CCL28: variants seen among roughly 807,000 people sequenced by gnomAD.
CCL28 encodes C-C motif chemokine ligand 28, also known as C-C motif chemokine 28.
Under a neutral mutation model 7.1 loss-of-function variants are expected in CCL28, and 4 were observed. That is an observed-to-expected ratio of 0.56 (90% CI 0.28 to 1.29). The LOEUF is 1.29. CCL28 is among the 50% of genes most tolerant of loss of function. The pLI is 0.11. For missense variants in CCL28, 151 were observed against 163.4 expected (o/e 0.92, Z 0.41); for synonymous variants, 55 against 57.8 (o/e 0.95, Z 0.22).
chr5:43,368,401 A>G, the CCL28 span, among the ~76,000 whole-genome samples: 7 of 152,122 alleles, frequency 4.6e-5, no homozygotes, highest in Admixed American at 1.3e-4. Context: ...TAAGAACTAT[A>G]TTTCCTTTTT....
In CCL28 at chr5:43,407,325, C is replaced by T. The variant is rs189329611; in HGVS notation, c.64+4928G>A. On this transcript the variant is annotated intron_variant, in intron 1 of 2. Coordinates refer to ENST00000361115, the MANE Select transcript of CCL28 (RefSeq NM_148672.3). ...GGCCAATGGAACAGAACAGAGTCCT[C>T]GGAAATAATACCACACATCTACAAC... Among the ~76,000 whole-genome samples, 400 of 152,212 alleles carry T rather than the reference C, an allele frequency of 2.6e-3. 2 individuals carry two copies. Among genetic ancestry groups the T allele is most frequent in the African/African-American group, 9.1e-3 (378 of 41,520 alleles).
chr5:43,408,133 T>A (rs1481650687), intron 1 of CCL28, among the ~76,000 whole-genome samples: 2 of 152,240 alleles, frequency 1.3e-5, no homozygotes, highest in African/African-American at 2.4e-5. Context: ...GCCATCCCAT[T>A]ACTGGGCATT....
the CCL28 span, among the ~76,000 whole-genome samples, chr5:43,368,295 T>C: frequency 2.1e-3 from 320 of 152,350 alleles, no homozygotes; most frequent in African/African-American, 7.3e-3. Context: ...CAAACTATAA[T>C]GTATCTGAAG....
At chr5:43,408,261 TG>T (rs1452950153) in intron 1 of CCL28, among the ~76,000 whole-genome samples, 1 of 152,176 alleles carries the variant, frequency 6.6e-6, no homozygotes, top group Non-Finnish European at 1.5e-5. Context: ...AATGATAGAC[TG>T]GATTAAGAAA....
chr5:43,381,000 A>G lies in CCL28; in HGVS notation c.*860T>C, dbSNP rs1740090311. The G allele has an allele frequency of 6.6e-6, 1 of 152,156 alleles. No homozygotes were observed. Among genetic ancestry groups the G allele is most frequent in the African/African-American group, 2.4e-5 (1 of 41,458 alleles). 9.4% of individuals were successfully genotyped at this position (152,156 alleles called of 1,614,324 possible). On this transcript the variant is annotated 3_prime_UTR_variant, in exon 3 of 3. Transcript: ENST00000361115. ...AATATGGAATATATTAGATGAAATTATTAATTTTTTAGGTATAAAACTGAT... is the reference window on the plus strand; with the variant it reads ...AATATGGAATATATTAGATGAAATTGTTAATTTTTTAGGTATAAAACTGAT...
the CCL28 span, among the ~76,000 whole-genome samples, chr5:43,366,482 T>C: frequency 2.0e-5 from 3 of 152,196 alleles, no homozygotes; most frequent in African/African-American, 7.2e-5. Flanking sequence ...TTTGCCTAGG[T>C]ATCACCAGTG....
chr5:43,370,436 A>T, the CCL28 span, among the ~76,000 whole-genome samples: 2 of 152,062 alleles, frequency 1.3e-5, no homozygotes, highest in African/African-American at 4.8e-5. Context: ...GAATGGAGCA[A>T]TATTGCAGAC....
At chr5:43,358,286 G>T in the CCL28 span, among the ~76,000 whole-genome samples, 2 of 152,216 alleles carry the variant, frequency 1.3e-5, no homozygotes, top group African/African-American at 4.8e-5. Context: ...GTACAAAGTA[G>T]AATGAGTGTT....
the CCL28 span, among the ~76,000 whole-genome samples, chr5:43,368,719 C>T: frequency 7.4e-4 from 113 of 152,090 alleles, no homozygotes; most frequent in African/African-American, 2.6e-3. Flanking sequence ...GAATTTTGGA[C>T]ACAGAAATGG....
chr5:43,405,609 A>G (rs954716729), intron 1 of CCL28, among the ~76,000 whole-genome samples: 4 of 152,220 alleles, frequency 2.6e-5, no homozygotes, highest in African/African-American at 7.2e-5. Flanking sequence ...GAGCAAACAC[A>G]TTCAAAAGCC....
intron 1 of CCL28, among the ~76,000 whole-genome samples, chr5:43,399,715 T>C (rs1371638273): frequency 1.3e-5 from 2 of 152,228 alleles, no homozygotes; most frequent in East Asian, 3.8e-4. Context: ...ATAGGTACCA[T>C]CCCTGCACAT....
intron 1 of CCL28, among the ~76,000 whole-genome samples, chr5:43,398,010 A>G (rs75177015): frequency 0.035 from 5,390 of 152,282 alleles, 261 homozygotes; most frequent in African/African-American, 0.11. Context: ...AATGTCTACA[A>G]TATCTAGTAC....
At chr5:43,372,022 G>A (rs1014484219), downstream of CCL28, among the ~76,000 whole-genome samples, 1 of 152,126 alleles carries the variant, frequency 6.6e-6, no homozygotes, top group Non-Finnish European at 1.5e-5. Flanking sequence ...GAGTGGGGGA[G>A]GTGCCAGGCT....
intron 1 of CCL28, among the ~76,000 whole-genome samples, chr5:43,411,670 T>C (rs1741539784): frequency 6.6e-6 from 1 of 152,192 alleles, no homozygotes; most frequent in Non-Finnish European, 1.5e-5. Flanking sequence ...GGCCTGAAGC[T>C]ATCCTCCAGC....
In CCL28 at chr5:43,381,189, C is replaced by T. The variant is rs1740097227; in HGVS notation, c.*671G>A. ...ATAATATTTTATATAGAAACACATA[C>T]AAAGAGAGGAGAGAGAAAGCAAATG... On this transcript the variant is annotated 3_prime_UTR_variant, in exon 3 of 3. Coordinates refer to ENST00000361115, the MANE Select transcript of CCL28 (RefSeq NM_148672.3). The T allele has an allele frequency of 6.6e-6, 1 of 151,754 alleles. No individual in the cohort carries two copies. Among genetic ancestry groups the T allele is most frequent in the Non-Finnish European group, 1.5e-5 (1 of 67,966 alleles). The allele number at this position is 151,754 out of a possible 1,614,324, so 9.4% of individuals were successfully genotyped here.
the CCL28 span, among the ~76,000 whole-genome samples, chr5:43,365,893 T>C: frequency 4.3e-4 from 66 of 152,336 alleles, no homozygotes; most frequent in East Asian, 0.012. Context: ...GTCTTCACGC[T>C]TTATTTCATT....
chr5:43,406,936 G>T (rs1425700569), intron 1 of CCL28, among the ~76,000 whole-genome samples: 1 of 152,164 alleles, frequency 6.6e-6, no homozygotes, highest in Non-Finnish European at 1.5e-5. Context: ...ACTTACAAGG[G>T]ATGTGAAGGA....
the CCL28 span, among the ~76,000 whole-genome samples, chr5:43,358,944 C>G: frequency 6.6e-6 from 1 of 152,190 alleles, no homozygotes; most frequent in African/African-American, 2.4e-5. Context: ...AAAAGCCAAG[C>G]TAACTATGAG....
chr5:43,407,200 A>ATGCCTC (rs1561169019), intron 1 of CCL28, among the ~76,000 whole-genome samples: 122 of 152,306 alleles, frequency 8.0e-4, no homozygotes, highest in African/African-American at 2.8e-3. Flanking sequence ...CCTAAGCAAA[A>ATGCCTC]CAGAACAAAG....
Sources: allele counts gnomAD v4.1 joint callset (sites outside exome capture counted in the v4.1 genomes callset), GRCh38; gene constraint gnomAD v4.1.1; transcripts MANE v1.5; gene names NCBI Gene and HGNC (gene_info 2026-07-23, HGNC 2026-07-21).